DAB1: variants seen among roughly 807,000 people sequenced by gnomAD.
DAB1 encodes the protein disabled homolog 1.
In DAB1, 15 loss-of-function variants were observed where a neutral mutation model predicts 64.6. That is an observed-to-expected ratio of 0.23 (90% CI 0.16 to 0.36). DAB1 has a LOEUF of 0.36. Ranked by LOEUF, DAB1 falls within the 10% of genes least tolerant of loss-of-function variation. DAB1 has a pLI of 1.00. For synonymous variants in DAB1, 235 were observed against 251.9 expected, an observed-to-expected ratio of 0.93 and a Z score of 0.64; for missense variants, 596 against 706.7, an observed-to-expected ratio of 0.84 and a Z score of 1.78.
At chr1:58,469,182 C>A (rs1285291817) in intron 3 of DAB1, among the ~76,000 whole-genome samples, 1 of 152,156 alleles carries the variant, frequency 6.6e-6, no homozygotes, top group Non-Finnish European at 1.5e-5. Flanking sequence ...ATCAGTGATC[C>A]AAGAGGCTCC....
intron 6 of DAB1, among the ~76,000 whole-genome samples, chr1:57,757,268 C>A (rs1245119944): frequency 1.4e-5 from 2 of 143,018 alleles, no homozygotes; most frequent in African/African-American, 2.5e-5. Context: ...TCAAATGGAC[C>A]AGGAACTAAA....
chr1:58,342,966 A>C (rs1192530249), intron 4 of DAB1, among the ~76,000 whole-genome samples: 12 of 152,162 alleles, frequency 7.9e-5, no homozygotes, highest in Non-Finnish European at 2.9e-5. Flanking sequence ...CCCTCCCTGC[A>C]TAAAGCCTGT....
intron 1 of DAB1, among the ~76,000 whole-genome samples, chr1:57,380,938 G>T (rs1330947006): frequency 6.6e-6 from 1 of 152,172 alleles, no homozygotes; most frequent in Non-Finnish European, 1.5e-5. Flanking sequence ...GAGTTGATGA[G>T]TATGAGTCTC....
chr1:57,338,511 G>A (rs1420888168), intron 1 of DAB1, among the ~76,000 whole-genome samples: 4 of 152,116 alleles, frequency 2.6e-5, no homozygotes, highest in Non-Finnish European at 5.9e-5. Context: ...TATCTATCTG[G>A]TAGACTGAAC....
At chr1:57,399,643 G>C (rs1027169985) in intron 1 of DAB1, among the ~76,000 whole-genome samples, 1 of 152,126 alleles carries the variant, frequency 6.6e-6, no homozygotes, top group Non-Finnish European at 1.5e-5. Context: ...ATCTTAGAAC[G>C]TCAATGGTAA....
chr1:57,611,118 C>T (rs967743782), intron 7 of DAB1, among the ~76,000 whole-genome samples: 1 of 143,940 alleles, frequency 6.9e-6, no homozygotes, highest in African/African-American at 2.6e-5. Flanking sequence ...TCACTGTTGG[C>T]GTGCAGTGGC....
chr1:58,014,810 G>T (rs1432443233), intron 5 of DAB1, among the ~76,000 whole-genome samples: 1 of 152,142 alleles, frequency 6.6e-6, no homozygotes, highest in Non-Finnish European at 1.5e-5. Flanking sequence ...CTGACTTAAT[G>T]AGGGAGAGAT....
chr1:58,225,585 G>C (rs1659425761), intron 4 of DAB1, among the ~76,000 whole-genome samples: 1 of 152,002 alleles, frequency 6.6e-6, no homozygotes, highest in South Asian at 2.1e-4. Flanking sequence ...ATGATAGACT[G>C]GATAAAGAAA....
At chr1:57,056,921 C>T (rs1271200985) in intron 9 of DAB1, among the ~76,000 whole-genome samples, 1 of 151,650 alleles carries the variant, frequency 6.6e-6, no homozygotes, top group Non-Finnish European at 1.5e-5. Context: ...TCCCTAGGGA[C>T]TCAAGGAAAG....
intron 1 of DAB1, among the ~76,000 whole-genome samples, chr1:57,323,047 A>T (rs1570274582): frequency 2.0e-5 from 3 of 151,560 alleles, no homozygotes; most frequent in Non-Finnish European, 4.4e-5. Context: ...GAGTTCTGAG[A>T]TTTTTTTTTG....
At chr1:58,144,730 A>G (rs1375867561) in intron 5 of DAB1, among the ~76,000 whole-genome samples, 1 of 152,190 alleles carries the variant, frequency 6.6e-6, no homozygotes, top group African/African-American at 2.4e-5. Flanking sequence ...TTGGTGATAC[A>G]CCCGGGGTCA....
chr1:58,392,742 T>C (rs1435786751), intron 3 of DAB1, among the ~76,000 whole-genome samples: 1 of 152,244 alleles, frequency 6.6e-6, no homozygotes, highest in African/African-American at 2.4e-5. Context: ...AACCCTGTCG[T>C]TGGACTTCCT....
chr1:57,496,478 A>G (rs1644232000), intron 7 of DAB1, among the ~76,000 whole-genome samples: 1 of 152,236 alleles, frequency 6.6e-6, no homozygotes, highest in Non-Finnish European at 1.5e-5. Context: ...CATTTCAGCA[A>G]CAGGTTTATA....
At chr1:57,432,085 G>A (rs1487119600) in intron 7 of DAB1, among the ~76,000 whole-genome samples, 5 of 147,728 alleles carry the variant, frequency 3.4e-5, no homozygotes, top group South Asian at 4.2e-4. Context: ...TTACACCACC[G>A]CACTCCATCC....
chr1:58,184,989 A>C (rs919489265), intron 4 of DAB1, among the ~76,000 whole-genome samples: 6 of 152,190 alleles, frequency 3.9e-5, no homozygotes, highest in African/African-American at 1.4e-4. Context: ...ACTGCACTCA[A>C]ATCAACCCGT....
chr1:58,047,462 G>A (rs1647312953), intron 5 of DAB1, among the ~76,000 whole-genome samples: 3 of 152,192 alleles, frequency 2.0e-5, no homozygotes, highest in Admixed American at 1.3e-4. Flanking sequence ...ATGTACAGGT[G>A]AGTGGCATCT....
At chr1:57,107,357 A>C (rs1381037599) in intron 4 of DAB1, among the ~76,000 whole-genome samples, 1 of 147,060 alleles carries the variant, frequency 6.8e-6, no homozygotes, top group African/African-American at 2.5e-5. Flanking sequence ...CCTGGGTGAC[A>C]GACTGAGACT....
intron 2 of DAB1, among the ~76,000 whole-genome samples, chr1:57,159,247 A>C (rs1336769052): frequency 1.3e-5 from 2 of 152,280 alleles, no homozygotes; most frequent in Non-Finnish European, 1.5e-5. Context: ...ATTATTAATA[A>C]ATTCTTAATA....
At chr1:57,885,297 G>A (rs2101974786), upstream of DAB1, among the ~76,000 whole-genome samples, 1 of 152,310 alleles carries the variant, frequency 6.6e-6, no homozygotes, top group Admixed American at 6.5e-5. Flanking sequence ...TAAAGAAACA[G>A]AAGTATAGAG....
Sources: allele counts gnomAD v4.1 joint callset (sites outside exome capture counted in the v4.1 genomes callset), GRCh38; gene constraint gnomAD v4.1.1; transcripts MANE v1.5; gene names NCBI Gene and HGNC (gene_info 2026-07-23, HGNC 2026-07-21).